The following SUMF1 variants were observed in gnomAD, a reference collection of about 807,000 sequenced individuals.
The protein encoded by SUMF1 is sulfatase modifying factor 1, also known as formylglycine-generating enzyme.
Under a neutral mutation model 47.6 loss-of-function variants are expected in SUMF1, and 48 were observed. The ratio of observed to expected loss-of-function variants is 1.01; its 90% CI spans 0.80 to 1.28. The LOEUF (loss-of-function observed/expected upper bound fraction) is 1.28, where lower values mean the gene tolerates loss of function less well. Ranked by LOEUF, SUMF1 falls within the 50% of genes most tolerant of loss-of-function variation. The pLI, the probability that SUMF1 is intolerant of heterozygous loss-of-function variation, is 0.00. For missense variants in SUMF1, 571 were observed against 485.4 expected (o/e 1.18, Z -1.66); for synonymous variants, 230 against 192.1 (o/e 1.20, Z -1.63).
At chr3:4,372,905 A>T (rs793940) in intron 8 of SUMF1, among the ~76,000 whole-genome samples, 52,061 of 152,088 alleles carry the variant, frequency 0.34, 10,921 homozygotes, top group African/African-American at 0.59. Flanking sequence ...CAGACTGATG[A>T]TAAAGACCAA....
At chr3:4,318,059 A>C (rs1249202889) in intron 8 of SUMF1, among the ~76,000 whole-genome samples, 1 of 152,292 alleles carries the variant, frequency 6.6e-6, no homozygotes, top group South Asian at 2.1e-4. Context: ...GGTTACATAC[A>C]TACACACACA....
chr3:4,272,040 G>A (rs1005753554), intron 8 of SUMF1, among the ~76,000 whole-genome samples: 1 of 152,116 alleles, frequency 6.6e-6, no homozygotes, highest in Non-Finnish European at 1.5e-5. Context: ...GCCCTCTCTT[G>A]GTAGATACTG....
chr3:4,223,898 T>G (rs926228668), intron 8 of SUMF1, among the ~76,000 whole-genome samples: 2 of 152,156 alleles, frequency 1.3e-5, no homozygotes, highest in Non-Finnish European at 2.9e-5. Context: ...CACTTTAAAC[T>G]CTCTGAGCCT....
chr3:4,042,653 G>A (rs915262209), intron 9 of SUMF1, among the ~76,000 whole-genome samples: 1 of 151,984 alleles, frequency 6.6e-6, no homozygotes, highest in Non-Finnish European at 1.5e-5. Context: ...ACCTCCCTGA[G>A]TACTCATATG....
chr3:4,135,014 T>C (rs1030592011), intron 8 of SUMF1, among the ~76,000 whole-genome samples: 1 of 152,092 alleles, frequency 6.6e-6, no homozygotes, highest in Non-Finnish European at 1.5e-5. Flanking sequence ...CAGGACCAGA[T>C]GGATTCACAG....
At chr3:4,146,130 T>A (rs17040060) in intron 8 of SUMF1, among the ~76,000 whole-genome samples, 2 of 151,990 alleles carry the variant, frequency 1.3e-5, no homozygotes, top group African/African-American at 4.8e-5. Flanking sequence ...CACCTGAGAA[T>A]ATCATTACTG....
chr3:4,048,169 G>T (rs891205313), intron 9 of SUMF1, among the ~76,000 whole-genome samples: 1 of 152,042 alleles, frequency 6.6e-6, no homozygotes, highest in Non-Finnish European at 1.5e-5. Flanking sequence ...CATTCTTCAA[G>T]TCTGGGCTCA....
At chr3:4,302,628 G>A (rs974025741) in intron 8 of SUMF1, among the ~76,000 whole-genome samples, 2 of 152,144 alleles carry the variant, frequency 1.3e-5, no homozygotes, top group African/African-American at 4.8e-5. Context: ...ACTTTCTCAG[G>A]TTAACCTTGG....
intron 8 of SUMF1, among the ~76,000 whole-genome samples, chr3:4,352,915 C>G (rs576942370): frequency 3.3e-5 from 5 of 151,966 alleles, no homozygotes; most frequent in Admixed American, 2.6e-4. Context: ...TCTTTTTGAC[C>G]GTCCTTAGAA....
intron 8 of SUMF1, among the ~76,000 whole-genome samples, chr3:4,363,029 GAATGCACCAC>G (rs1303004964): frequency 6.6e-6 from 1 of 152,104 alleles, no homozygotes; most frequent in East Asian, 1.9e-4. Flanking sequence ...GGAAGATTCC[GAATGCACCAC>G]AATGTGCACA....
At chr3:4,208,469 CAAA>C (rs775554036) in intron 8 of SUMF1, among the ~76,000 whole-genome samples, 3 of 132,728 alleles carry the variant, frequency 2.3e-5, no homozygotes, top group African/African-American at 5.5e-5. Flanking sequence ...TTCTAGAAGG[CAAA>C]AAAAAAAAAA....
intron 7 of SUMF1, among the ~76,000 whole-genome samples, chr3:4,391,910 C>T (rs1047018662): frequency 2.0e-5 from 3 of 151,864 alleles, no homozygotes. Context: ...TCACCACAGC[C>T]TCAACCTCCC....
intron 9 of SUMF1, among the ~76,000 whole-genome samples, chr3:4,041,054 T>G (rs1694899837): frequency 1.3e-5 from 2 of 152,168 alleles, no homozygotes; most frequent in Non-Finnish European, 2.9e-5. Context: ...ATTCAATCAA[T>G]GCAACCATTC....
chr3:4,303,461 G>A lies in SUMF1; in HGVS notation c.1014+72869C>T, dbSNP rs749031276. The A allele has an allele frequency of 1.9e-5, 29 of 1,533,704 alleles. No homozygotes were observed. In the South Asian group the frequency reaches 3.1e-4, roughly 16 times the overall value. Reference sequence around the variant, plus strand: ...GGCCCCGACTGAGCAGCTGGATGTCGCGTGCGGCCAGGAAAACTTGCCGGT... The same window carrying A: ...GGCCCCGACTGAGCAGCTGGATGTCACGTGCGGCCAGGAAAACTTGCCGGT... On this transcript the variant is annotated intron_variant and NMD_transcript_variant, in intron 8 of 12. Transcript: ENST00000448413.
chr3:4,142,472 T>A (rs1694094197), intron 8 of SUMF1, among the ~76,000 whole-genome samples: 1 of 152,160 alleles, frequency 6.6e-6, no homozygotes, highest in Admixed American at 6.6e-5. Flanking sequence ...ATATCATATA[T>A]TTTGTAATCC....
intron 8 of SUMF1, among the ~76,000 whole-genome samples, chr3:4,177,837 A>T (rs1695000923): frequency 6.6e-6 from 1 of 152,158 alleles, no homozygotes; most frequent in African/African-American, 2.4e-5. Flanking sequence ...AAATAGATGA[A>T]ATAAAAAATG....
intron 8 of SUMF1, among the ~76,000 whole-genome samples, chr3:4,372,625 G>T (rs1046813646): frequency 6.6e-6 from 1 of 152,032 alleles, no homozygotes; most frequent in African/African-American, 2.4e-5. Flanking sequence ...ATATATGTTG[G>T]TTCATTTACT....
At chr3:4,158,174 T>A (rs2125111214) in intron 8 of SUMF1, among the ~76,000 whole-genome samples, 1 of 151,716 alleles carries the variant, frequency 6.6e-6, no homozygotes, top group South Asian at 2.1e-4. Context: ...ATGGTCTAGA[T>A]GATTAAAAGA....
intron 8 of SUMF1, among the ~76,000 whole-genome samples, chr3:4,282,642 G>A (rs1435098756): frequency 3.3e-5 from 5 of 152,176 alleles, no homozygotes. Flanking sequence ...CAGCGCAAGA[G>A]TGGAAAGTGG....
Sources: gnomAD v4.1 joint callset for allele counts (sites outside exome capture counted in the v4.1 genomes callset) on GRCh38, gnomAD v4.1.1 for gene constraint, MANE v1.5 for transcripts, NCBI Gene and HGNC (gene_info 2026-07-23, HGNC 2026-07-21) for gene names.